SCAF8: variants seen among roughly 807,000 people sequenced by gnomAD.
The protein encoded by SCAF8 is SR-related and CTD-associated factor 8.
Under a neutral mutation model 140.5 loss-of-function variants are expected in SCAF8, and 23 were observed. That is an observed-to-expected ratio of 0.16 (90% CI 0.12 to 0.23). SCAF8 has a LOEUF of 0.23. SCAF8 is among the 10% of genes least tolerant of loss of function. SCAF8 has a pLI of 1.00. For synonymous variants in SCAF8, 575 were observed against 528.9 expected (o/e 1.09, Z -1.20); for missense variants, 1,397 against 1,555.7 (o/e 0.90, Z 1.72).
intron 1 of SCAF8, among the ~76,000 whole-genome samples, chr6:154,763,888 G>A (rs897213044): frequency 1.3e-5 from 2 of 152,128 alleles, no homozygotes; most frequent in Non-Finnish European, 2.9e-5. Flanking sequence ...GCTACAAAGG[G>A]CAGAGCTGAG....
intron 12 of SCAF8, among the ~76,000 whole-genome samples, chr6:154,815,291 C>T (rs184435802): frequency 2.0e-5 from 3 of 151,974 alleles, no homozygotes; most frequent in Non-Finnish European, 1.5e-5. Context: ...AGTGAGACTC[C>T]GTCTCAAAAA....
chr6:154,737,662 A>G (rs1778459652), intron 1 of SCAF8, among the ~76,000 whole-genome samples: 1 of 152,028 alleles, frequency 6.6e-6, no homozygotes, highest in Non-Finnish European at 1.5e-5. Flanking sequence ...GAGCTGCACC[A>G]CTACACTCTG....
chr6:154,788,018 A>G lies in SCAF8; in HGVS notation c.317A>G (p.Asp106Gly). 1 of 1,598,776 alleles carries G rather than the reference A, an allele frequency of 6.3e-7. No homozygotes were observed. The highest frequency in any genetic ancestry group is 8.5e-7 in the Non-Finnish European group (1 of 1,175,534). ...AATTTATATCGTTGCCCTGGGGATG[A>G]CAAGGTATGCTACTGGTTTTTTTTT... is the stretch of plus-strand genomic sequence containing the variant. Reference protein sequence around the residue: ...FQNLYRCPGDDKSKIVRVLNL... With the variant: ...FQNLYRCPGDGKSKIVRVLNL... Residue 106 changes from aspartate to glycine, a missense_variant, in exon 4 of 20, where the codon GAC becomes GGC. Coordinates refer to ENST00000367178, the MANE Select transcript of SCAF8 (RefSeq NM_014892.5).
At chr6:154,775,503 A>G (rs187811192) in intron 2 of SCAF8, among the ~76,000 whole-genome samples, 6 of 152,340 alleles carry the variant, frequency 3.9e-5, no homozygotes, top group Non-Finnish European at 5.9e-5. Context: ...GTATAGGTGC[A>G]AACAGTATTT....
intron 1 of SCAF8, among the ~76,000 whole-genome samples, chr6:154,768,908 C>T (rs555570240): frequency 6.6e-6 from 1 of 152,020 alleles, no homozygotes; most frequent in South Asian, 2.1e-4. Flanking sequence ...ACTAAAAATA[C>T]AAAAATTAGC....
In SCAF8 at chr6:154,819,411, G is replaced by A. The variant is rs562992888; in HGVS notation, c.1636-766G>A. Among the ~76,000 whole-genome samples, 43 of 151,742 alleles carry A rather than the reference G, an allele frequency of 2.8e-4. 1 individual carries two copies. The highest frequency in any genetic ancestry group is 9.4e-4 in the African/African-American group (39 of 41,360). ...TTAAGAGCAGCCTGGACAACATGGC[G>A]AGACCTCATCTCTACAAAACAACTT... On this transcript the variant is annotated intron_variant, in intron 14 of 19. Coordinates refer to ENST00000367178, the MANE Select transcript of SCAF8 (RefSeq NM_014892.5).
intron 1 of SCAF8, among the ~76,000 whole-genome samples, chr6:154,738,779 A>G (rs1215081030): frequency 6.6e-6 from 1 of 152,218 alleles, no homozygotes; most frequent in Non-Finnish European, 1.5e-5. Flanking sequence ...TTGGGACTGC[A>G]TTGATTGCTG....
At chr6:154,802,201 T>C in intron 7 of SCAF8, 54 bp downstream of exon 7, 1 of 1,042,846 alleles carries the variant, frequency 9.6e-7, no homozygotes. Flanking sequence ...TATTATATAC[T>C]ATCATGGATT....
chr6:154,814,559 A>G (rs1266898150), intron 12 of SCAF8, among the ~76,000 whole-genome samples: 2 of 152,196 alleles, frequency 1.3e-5, no homozygotes, highest in Non-Finnish European at 2.9e-5. Context: ...CTCAGTAGTG[A>G]TCTTGCCAAG....
At position 154,832,716 on chromosome 6, in the gene SCAF8, G is replaced by C. The variant is rs1778783929; in HGVS notation, c.3137G>C (p.Arg1046Thr). The change falls in exon 20 of 20, where the codon AGA (arginine) becomes ACA (threonine). Residue 1046 changes from arginine (R) to threonine (T), a missense_variant. By Grantham distance (71) the Arg-to-Thr change is moderately conservative. Around this residue, in one of 5 missense-constraint regions of SCAF8, gnomAD observed 930 missense variants for 874.6 expected, o/e 1.06. Coordinates refer to ENST00000367178, the MANE Select transcript of SCAF8 (RefSeq NM_014892.5). ...GTGGTTGGGCGGCCTATAGATCCAA[G>C]AGAAGGTCCTGGACGGCCTCCACTA... ...RDVVGRPIDP[R>T]EGPGRPPLDG... 5 of 1,613,998 alleles carry C rather than the reference G, an allele frequency of 3.1e-6. No individual in the cohort carries two copies. In the African/African-American group the frequency reaches 5.3e-5, roughly 17 times the overall value.
At chr6:154,802,617 CAAAAA>C in intron 7 of SCAF8, among the ~76,000 whole-genome samples, 1 of 130,154 alleles carries the variant, frequency 7.7e-6, no homozygotes, top group African/African-American at 2.9e-5. Flanking sequence ...ACTCTTGACT[CAAAAA>C]AAAAAAATTT....
chr6:154,756,866 A>G (rs1778979784), intron 1 of SCAF8, among the ~76,000 whole-genome samples: 1 of 152,022 alleles, frequency 6.6e-6, no homozygotes, highest in Non-Finnish European at 1.5e-5. Flanking sequence ...CGTCTCTACA[A>G]GAAATACAAA....
chr6:154,770,388 A>ACACTCTCTCTCTCTCT (rs1384942827), intron 1 of SCAF8, among the ~76,000 whole-genome samples: 3 of 142,000 alleles, frequency 2.1e-5, no homozygotes, highest in South Asian at 2.3e-4. Context: ...ACACACACAC[A>ACACTCTCTCTCTCTCT]CTCTCTCTCT....
At chr6:154,754,547 TATCA>T (rs1292136039) in intron 1 of SCAF8, among the ~76,000 whole-genome samples, 2 of 152,214 alleles carry the variant, frequency 1.3e-5, no homozygotes, top group African/African-American at 4.8e-5. Context: ...GAATAGTAAA[TATCA>T]ATCTTATCAG....
chr6:154,787,467 T>G (rs1372471537), intron 3 of SCAF8, among the ~76,000 whole-genome samples: 3 of 152,256 alleles, frequency 2.0e-5, no homozygotes, highest in Non-Finnish European at 4.4e-5. Context: ...GGAACCCTTT[T>G]GTTGTGTGTT....
chr6:154,785,824 G>T lies in SCAF8; in HGVS notation c.160-2037G>T, dbSNP rs188959436. On this transcript the variant is annotated intron_variant, in intron 3 of 19. Coordinates refer to ENST00000367178, the MANE Select transcript of SCAF8 (RefSeq NM_014892.5). ...AAATCATGCAAATATACTTAAAGGT[G>T]CATTCTCCCTATTCGTTCTTACCTT... Among the ~76,000 whole-genome samples the T allele has an allele frequency of 3.7e-3, 557 of 152,204 alleles. 4 individuals are homozygous for T. The highest frequency in any genetic ancestry group is 0.013 in the African/African-American group (531 of 41,526).
intron 5 of SCAF8, among the ~76,000 whole-genome samples, chr6:154,793,423 AT>A (rs1478832283): frequency 2.0e-5 from 3 of 151,928 alleles, no homozygotes; most frequent in African/African-American, 7.2e-5. Context: ...TATCAAAGTA[AT>A]TTAAAAATTT....
chr6:154,743,161 G>A (rs995667456), intron 1 of SCAF8, among the ~76,000 whole-genome samples: 2 of 152,152 alleles, frequency 1.3e-5, no homozygotes, highest in South Asian at 2.1e-4. Flanking sequence ...AGCCTGATCC[G>A]TTCTTAGCAT....
chr6:154,783,806 G>A (rs1777153981), intron 3 of SCAF8, among the ~76,000 whole-genome samples: 2 of 151,992 alleles, frequency 1.3e-5, no homozygotes, highest in South Asian at 4.1e-4. Flanking sequence ...AGTGGCTCAC[G>A]CCTATAATCC....
Sources: gnomAD v4.1 joint callset for allele counts (sites outside exome capture counted in the v4.1 genomes callset) on GRCh38, gnomAD v4.1.1 for gene constraint, gnomAD v4.1.1 regional missense constraint, MANE v1.5 for transcripts, NCBI Gene and HGNC (gene_info 2026-07-23, HGNC 2026-07-21) for gene names.